Variants in STARD9 observed in about 807,000 individuals in gnomAD.
STARD9 encodes StAR related lipid transfer domain containing 9, also known as stAR-related lipid transfer protein 9.
A neutral mutation model predicts 399.8 loss-of-function variants in STARD9; 346 were observed. The observed-to-expected ratio is 0.87, with a 90% CI of 0.79 to 0.95. The LOEUF is 0.95. Among genes scored for constraint, STARD9 ranks in the 40% least tolerant of loss-of-function variants. The pLI is 0.00. For synonymous variants in STARD9, 2,203 were observed against 2,143.5 expected (o/e 1.03, Z -0.77); for missense variants, 5,832 against 5,667.5 (o/e 1.03, Z -0.93).
At chr15:42,651,128 T>G (rs2059754748) in intron 8 of STARD9, 43 bp downstream of exon 8, 2 of 1,357,640 alleles carry the variant, frequency 1.5e-6, no homozygotes. Flanking sequence ...ATCCTCACAC[T>G]CCTATCCTGT....
chr15:42,661,280 G>A, intron 10 of STARD9, 55 bp downstream of exon 10: 3 of 1,201,730 alleles, frequency 2.5e-6, no homozygotes, highest in South Asian at 2.6e-5. Flanking sequence ...CTGTTTTACA[G>A]GGAATAAGCT....
At chr15:42,643,312 T>A (rs1008033750) in intron 7 of STARD9, among the ~76,000 whole-genome samples, 1 of 152,130 alleles carries the variant, frequency 6.6e-6, no homozygotes, top group South Asian at 2.1e-4. Flanking sequence ...TTCTGCTGCC[T>A]CAGCCTCCTG....
intron 26 of STARD9, among the ~76,000 whole-genome samples, chr15:42,696,398 T>C (rs911492313): frequency 3.3e-5 from 5 of 151,878 alleles, no homozygotes; most frequent in African/African-American, 1.2e-4. Flanking sequence ...GGAAGAAGAG[T>C]TTGAGGAACT....
At chr15:42,576,807 G>A (rs921339082) in intron 1 of STARD9, among the ~76,000 whole-genome samples, 1 of 152,192 alleles carries the variant, frequency 6.6e-6, no homozygotes, top group Non-Finnish European at 1.5e-5. Flanking sequence ...GCTTTGAAAA[G>A]TCTTGTAATT....
In STARD9 at chr15:42,686,715, A is replaced by G. The variant is rs374316232; in HGVS notation, c.5137A>G (p.Ile1713Val). 9.1e-6 allele frequency: 14 copies of G among 1,537,600 alleles called. No homozygotes were observed. The highest frequency in any genetic ancestry group is 6.8e-5 in the African/African-American group (5 of 73,054). ...CTCTAAGGAAGCAGTTAGAAGACAC[A>G]TAAATGTTTCCTTTGCCCTTCCTTC... ...ESSKEAVRRH[I>V]NVSFALPSGP... is the part of the protein sequence containing the mutation. The change falls in exon 23 of 33, where the codon ATA becomes GTA. Residue 1713 changes from isoleucine (I) to valine (V), a missense_variant. This residue lies in a region of STARD9 where 5,828 missense variants were observed against 5,651.1 expected (regional missense o/e 1.03). Transcript: ENST00000290607.
At chr15:42,615,674 TTAACA>T (rs926513766) in intron 3 of STARD9, among the ~76,000 whole-genome samples, 28 of 148,964 alleles carry the variant, frequency 1.9e-4, no homozygotes, top group African/African-American at 7.0e-4. Flanking sequence ...GGAGTGAGAA[TTAACA>T]TAGGAGGAAA....
chr15:42,699,292 G>A (rs902484943), intron 26 of STARD9, among the ~76,000 whole-genome samples: 4 of 150,824 alleles, frequency 2.7e-5, no homozygotes, highest in African/African-American at 9.8e-5. Context: ...CTTTGTACCT[G>A]TTGACCATCC....
intron 26 of STARD9, among the ~76,000 whole-genome samples, chr15:42,703,395 C>G (rs1481194513): frequency 6.7e-6 from 1 of 149,324 alleles, no homozygotes; most frequent in Non-Finnish European, 1.5e-5. Context: ...TGGAGTCTTG[C>G]ACTGTTCACC....
At chr15:42,595,833 G>A (rs1313742117) in intron 3 of STARD9, among the ~76,000 whole-genome samples, 3 of 152,104 alleles carry the variant, frequency 2.0e-5, no homozygotes, top group Non-Finnish European at 4.4e-5. Context: ...AGATGGGAGG[G>A]GTTACCATGA....
chr15:42,621,965 T>G (rs2059102142), intron 3 of STARD9, among the ~76,000 whole-genome samples: 1 of 152,184 alleles, frequency 6.6e-6, no homozygotes, highest in Non-Finnish European at 1.5e-5. Flanking sequence ...ACACATACAT[T>G]TATCTATTTC....
At position 42,674,931 on chromosome 15, in the gene STARD9, C is replaced by A; in HGVS notation, c.1654C>A (p.Arg552=). The A allele has an allele frequency of 1.3e-6, 2 of 1,536,574 alleles. No homozygotes were observed. The highest frequency in any genetic ancestry group is 1.7e-6 in the Non-Finnish European group (2 of 1,146,628). The change falls in exon 18 of 33, where the codon CGG becomes AGG. Residue 552 remains arginine, a synonymous_variant. Transcript: ENST00000290607. ...ARGARCTVNG[R]EVTASCRLTQ... The stretch of plus-strand genomic sequence containing the variant: ...TGGGGCCCGCTGTACAGTCAATGGC[C>A]GGGAGGTCACTGCCTCCTGCCGTCT...
intron 3 of STARD9, among the ~76,000 whole-genome samples, chr15:42,601,585 C>T (rs1475513487): frequency 6.7e-6 from 1 of 150,006 alleles, no homozygotes; most frequent in African/African-American, 2.4e-5. Context: ...GCTGCCCCCC[C>T]ACCTCCCGGA....
intron 1 of STARD9, among the ~76,000 whole-genome samples, chr15:42,579,358 A>T (rs2058122619): frequency 6.6e-6 from 1 of 152,224 alleles, no homozygotes. Context: ...TCGCCTGTGA[A>T]CATTTCTCAC....
At chr15:42,658,288 G>GGTTTGT (rs2059916998) in intron 9 of STARD9, among the ~76,000 whole-genome samples, 1 of 145,854 alleles carries the variant, frequency 6.9e-6, no homozygotes, top group East Asian at 2.0e-4. Flanking sequence ...GGGACTTACA[G>GGTTTGT]GTGTGTGTGT....
Position 42,575,766 on chromosome 15 carries a change from A to C in STARD9, c.47+4A>C, listed in dbSNP as rs754663176. 6 of 1,536,896 alleles carry C rather than the reference A, an allele frequency of 3.9e-6. No individual in the cohort carries two copies. In the South Asian group the frequency reaches 5.9e-5, roughly 15 times the overall value. On this transcript the variant is annotated splice_donor_region_variant and intron_variant, in intron 1 of 32. Coordinates refer to ENST00000290607, the MANE Select transcript of STARD9 (RefSeq NM_020759.3). ...GGGTCCGGCCGCTCAGCAAGAGGTG[A>C]GTCTCCGCGGGAGAGGGCGCCTGAG...
At chr15:42,679,074 G>A (rs1466193214) in intron 20 of STARD9, among the ~76,000 whole-genome samples, 1 of 152,180 alleles carries the variant, frequency 6.6e-6, no homozygotes, top group Non-Finnish European at 1.5e-5. Flanking sequence ...GAAGGTTGAG[G>A]AGAAAGCCAG....
chr15:42,669,563 C>T (rs1566920290), intron 16 of STARD9: 1 of 395,868 alleles, frequency 2.5e-6, no homozygotes, highest in Non-Finnish European at 4.6e-6. Context: ...TGTTTTTCAA[C>T]TGCTGCTACT....
Position 42,691,048 on chromosome 15 carries a change from T to C in STARD9, c.9470T>C (p.Val3157Ala), listed in dbSNP as rs2060682364. ...GGGTCTGCTGAGAGCAAGTTGGTGG[T>C]AGAGCCACAGCATGAATGTTTAGAA... ...SEGSAESKLV[V>A]EPQHECLENT... Residue 3157 changes from valine (V) to alanine (A), a missense_variant, in exon 23 of 33, where the codon GTA (valine) becomes GCA (alanine). Around this residue, in one of 2 missense-constraint regions of STARD9, gnomAD observed 5,828 missense variants for 5,651.1 expected, o/e 1.03. Transcript: ENST00000290607. The C allele has an allele frequency of 6.5e-7, 1 of 1,537,176 alleles. No individual in the cohort carries two copies. The highest frequency in any genetic ancestry group is 2.0e-5 in the Admixed American group (1 of 50,996).
chr15:42,681,070 C>T (rs2060417101), intron 20 of STARD9, among the ~76,000 whole-genome samples: 2 of 152,180 alleles, frequency 1.3e-5, no homozygotes, highest in South Asian at 4.2e-4. Flanking sequence ...TTAGCAGACA[C>T]CTTTTTGTTC....
Sources: allele counts gnomAD v4.1 joint callset (sites outside exome capture counted in the v4.1 genomes callset), GRCh38; gene constraint gnomAD v4.1.1; regional missense constraint gnomAD v4.1.1; transcripts MANE v1.5; gene names NCBI Gene and HGNC (gene_info 2026-07-23, HGNC 2026-07-21).